The following LIPI variants were observed in gnomAD, a reference collection of about 807,000 sequenced individuals.
LIPI encodes lipase member I.
A neutral mutation model predicts 50.6 loss-of-function variants in LIPI; 59 were observed. That is an observed-to-expected ratio of 1.16 (90% CI 0.94 to 1.45). LIPI has a LOEUF of 1.45. Among genes scored for constraint, LIPI ranks in the 40% most tolerant of loss-of-function variants. The pLI is 0.00. For missense variants in LIPI, 586 were observed against 536.3 expected (o/e 1.09, Z -0.92); for synonymous variants, 203 against 178.2 (o/e 1.14, Z -1.11).
rs1007114771 is a variant in LIPI, at chr21:14,166,565, G to A, written c.644-114C>T. 3.3e-5 allele frequency: 23 copies of A among 689,224 alleles called. No individual in the cohort carries two copies. In the Middle Eastern group the frequency reaches 1.5e-3, roughly 44 times the overall value. 42.7% of individuals were successfully genotyped at this position (689,224 alleles called of 1,614,324 possible). A position where few individuals can be genotyped will look rare whatever the true frequency, so the allele number is the denominator to read the frequency against. On this transcript the variant is annotated intron_variant, in intron 4 of 9. Coordinates refer to ENST00000681601, the MANE Select transcript of LIPI (RefSeq NM_001302998.2). ...AAGTTACTCTTTAAATATTAGAATT[G>A]AAAATAAGTGCTGTTTTTATAAAGA... is the stretch of plus-strand genomic sequence containing the variant.
chr21:14,152,997 T>C (rs2018151879), intron 7 of LIPI, among the ~76,000 whole-genome samples: 1 of 152,184 alleles, frequency 6.6e-6, no homozygotes, highest in Admixed American at 6.5e-5. Context: ...TTTCAGAAAT[T>C]AGGCCAATTA....
chr21:14,135,984 T>A (rs1004122643), intron 9 of LIPI, among the ~76,000 whole-genome samples: 1 of 152,136 alleles, frequency 6.6e-6, no homozygotes, highest in African/African-American at 2.4e-5. Context: ...CACAACACGA[T>A]AAGGCAACAG....
At chr21:14,210,760 A>G (rs2020342205) in intron 1 of LIPI, 40 bp downstream of exon 1, 1 of 882,442 alleles carries the variant, frequency 1.1e-6, no homozygotes, top group Non-Finnish European at 1.5e-6. Flanking sequence ...TTTTATATGC[A>G]ATTTTTAAAG....
chr21:14,110,819 A>G (rs1166097447), intron 9 of LIPI, among the ~76,000 whole-genome samples: 1 of 151,150 alleles, frequency 6.6e-6, no homozygotes, highest in Non-Finnish European at 1.5e-5. Context: ...TTCCTTCTTT[A>G]TTATGTCTGA....
At chr21:14,188,173 T>C (rs2019521081) in intron 2 of LIPI, among the ~76,000 whole-genome samples, 1 of 152,206 alleles carries the variant, frequency 6.6e-6, no homozygotes, top group African/African-American at 2.4e-5. Flanking sequence ...TAAACAAAAA[T>C]CATTCACAGT....
At chr21:14,164,443 G>C (rs1262165376) in intron 6 of LIPI, among the ~76,000 whole-genome samples, 1 of 152,066 alleles carries the variant, frequency 6.6e-6, no homozygotes, top group Admixed American at 6.6e-5. Flanking sequence ...CCCCTCCTAG[G>C]GTGTTCTCAG....
At chr21:14,175,155 A>G (rs1022809717) in intron 4 of LIPI, among the ~76,000 whole-genome samples, 5 of 152,120 alleles carry the variant, frequency 3.3e-5, no homozygotes, top group Non-Finnish European at 5.9e-5. Context: ...TTGAACACAT[A>G]TATTAATGCA....
rs879882208 is a variant in LIPI at position 14,202,528 on chromosome 21, G to A, written c.46+8272C>T. Among the ~76,000 whole-genome samples, 193 of 151,914 alleles carry A rather than the reference G, an allele frequency of 1.3e-3. 2 individuals are homozygous for A. Among genetic ancestry groups the A allele is most frequent in the African/African-American group, 2.9e-3 (119 of 41,434 alleles). The stretch of plus-strand genomic sequence containing the variant: ...GAACAGAGCCCTCAGAAATAATGCC[G>A]CATATCTACAACCATCTGATCTTTG... On this transcript the variant is annotated intron_variant, in intron 1 of 9. Coordinates refer to ENST00000681601, the MANE Select transcript of LIPI (RefSeq NM_001302998.2).
chr21:14,164,132 A>G (rs185777970), intron 6 of LIPI, among the ~76,000 whole-genome samples: 458 of 151,850 alleles, frequency 3.0e-3, no homozygotes, highest in Middle Eastern at 0.01. Flanking sequence ...TTATGTTAAT[A>G]TATATTTCAT....
Position 14,166,421 on chromosome 21 carries a change from A to C in LIPI, c.674T>G (p.Ile225Arg). 1.2e-6 allele frequency: 2 copies of C among 1,609,812 alleles called. No homozygotes were observed. The highest frequency in any genetic ancestry group is 1.7e-5 in the Admixed American group (1 of 60,020). ...ATTTCCTCCATTTGGATAAAAATCT[A>C]TATGTCCCAAGGGCTCTTGAATGCC... ...GLGIQEPLGHIDFYPNGGNKQ... is the reference protein window; with the variant it reads ...GLGIQEPLGHRDFYPNGGNKQ... The change falls in exon 5 of 10, where the codon ATA becomes AGA. Residue 225 changes from isoleucine to arginine, a missense_variant. Transcript: ENST00000681601.
intron 9 of LIPI, among the ~76,000 whole-genome samples, chr21:14,135,307 C>T (rs2017450510): frequency 6.6e-6 from 1 of 152,128 alleles, no homozygotes; most frequent in African/African-American, 2.4e-5. Flanking sequence ...ATCAAGTTAA[C>T]AAGTATCTAC....
In LIPI at chr21:14,179,651, A is replaced by G. The variant is rs893894697; in HGVS notation, c.643+2107T>C. Among the ~76,000 whole-genome samples the G allele has an allele frequency of 8.5e-4, 130 of 152,168 alleles. 11 individuals are homozygous for G. The highest frequency in any genetic ancestry group is 1.0e-4 in the Non-Finnish European group (7 of 68,018). ...CAGCAGAGGAACATAAATTGTGAAGATTTCCTGGACATTTATCAGTTCCCA... is the reference window on the plus strand; with the variant it reads ...CAGCAGAGGAACATAAATTGTGAAGGTTTCCTGGACATTTATCAGTTCCCA... On this transcript the variant is annotated intron_variant, in intron 4 of 9. Transcript: ENST00000681601.
intron 2 of LIPI, among the ~76,000 whole-genome samples, chr21:14,188,287 C>A (rs1398496789): frequency 1.3e-5 from 2 of 152,148 alleles, no homozygotes; most frequent in Admixed American, 1.3e-4. Context: ...AAGTATGCTA[C>A]TTTTCAAAAT....
intron 9 of LIPI, among the ~76,000 whole-genome samples, chr21:14,123,208 G>T (rs1222690985): frequency 6.6e-6 from 1 of 152,230 alleles, no homozygotes; most frequent in Non-Finnish European, 1.5e-5. Context: ...AAGACTTTCA[G>T]ACTCCCGTAG....
In LIPI at chr21:14,148,153, T is replaced by TA. The variant is rs200642811; in HGVS notation, c.1119-3355dup. Among the ~76,000 whole-genome samples the TA allele has an allele frequency of 4.7e-3, 709 of 151,840 alleles. 7 individuals are homozygous for TA. Among genetic ancestry groups the TA allele is most frequent in the African/African-American group, 0.014 (582 of 41,424 alleles). On this transcript the variant is annotated intron_variant, in intron 8 of 9. Coordinates refer to ENST00000681601, the MANE Select transcript of LIPI (RefSeq NM_001302998.2). ...TCAATCAGATCCTAATTTTGCTAAA[T>TA]AAAAAAAATCATATGTCTGCACATA... is the stretch of plus-strand genomic sequence containing the variant.
At chr21:14,179,525 T>C (rs2019200052) in intron 4 of LIPI, among the ~76,000 whole-genome samples, 1 of 151,940 alleles carries the variant, frequency 6.6e-6, no homozygotes, top group Admixed American at 6.6e-5. Flanking sequence ...CAAACAAAAA[T>C]AATAAAAAGT....
rs1340186027 is a variant in LIPI at position 14,165,282 on chromosome 21, T to C, written c.842A>G (p.Tyr281Cys). 1.2e-6 allele frequency: 2 copies of C among 1,613,050 alleles called. No homozygotes were observed. The highest frequency in any genetic ancestry group is 1.7e-5 in the Admixed American group (1 of 60,022). Residue 281 changes from tyrosine (Y) to cysteine (C), a missense_variant, in exon 6 of 10, where the codon TAC becomes TGC. By Grantham distance (194) the Tyr-to-Cys change is radical. Transcript: ENST00000681601. ...ACAGTCCACACATAAGCTAGTCTTGTAATCTTTGTATGAACGACAAGGAAA... is the reference window on the plus strand; with the variant it reads ...ACAGTCCACACATAAGCTAGTCTTGCAATCTTTGTATGAACGACAAGGAAA... ...ISFPCRSYKDYKTSLCVDCDC... is the reference protein window; with the variant it reads ...ISFPCRSYKDCKTSLCVDCDC...
intron 4 of LIPI, among the ~76,000 whole-genome samples, chr21:14,175,638 AATAATAGCTC>A (rs1315159591): frequency 6.6e-6 from 1 of 152,192 alleles, no homozygotes; most frequent in Admixed American, 6.5e-5. Flanking sequence ...AGGCTTTAAA[AATAATAGCTC>A]ATAAACCATT....
intron 8 of LIPI, among the ~76,000 whole-genome samples, chr21:14,150,975 A>C (rs192436846): frequency 1.3e-5 from 2 of 152,336 alleles, no homozygotes; most frequent in Admixed American, 1.3e-4. Flanking sequence ...TAAGAAAATT[A>C]CATTTATACA....
Sources: gnomAD v4.1 joint callset for allele counts (sites outside exome capture counted in the v4.1 genomes callset) on GRCh38, gnomAD v4.1.1 for gene constraint, MANE v1.5 for transcripts, NCBI Gene and HGNC (gene_info 2026-07-23, HGNC 2026-07-21) for gene names.